The following MBNL3 variants were observed in gnomAD, a reference collection of about 807,000 sequenced individuals.
MBNL3 encodes the protein muscleblind like splicing regulator 3, also known as muscleblind-like protein 3.
Under a neutral mutation model 24.5 loss-of-function variants are expected in MBNL3, and 6 were observed. The observed-to-expected ratio is 0.25, with a 90% confidence interval of 0.13 to 0.48. The LOEUF (loss-of-function observed/expected upper bound fraction) is 0.48. MBNL3 is among the 20% of genes least tolerant of loss of function. MBNL3 has a pLI of 0.99. For missense variants in MBNL3, 230 were observed against 293.5 expected (o/e 0.78, Z 1.58); for synonymous variants, 100 against 101.7 (o/e 0.98, Z 0.10).
At chrX:132,410,849 T>G (rs1343455771) in intron 2 of MBNL3, among the ~76,000 whole-genome samples, 2 of 112,094 alleles carry the variant, frequency 1.8e-5, no homozygotes, top group African/African-American at 3.2e-5. Flanking sequence ...AAGATCAACA[T>G]ACAACGAGTT....
At chrX:132,396,543 T>G in intron 3 of MBNL3, among the ~76,000 whole-genome samples, 1 of 56,683 alleles carries the variant, frequency 1.8e-5, no homozygotes, top group Non-Finnish European at 2.9e-5. Flanking sequence ...CATATATATA[T>G]TCCTATATAT....
chrX:132,415,284 T>G (rs1943193751), intron 2 of MBNL3, among the ~76,000 whole-genome samples: 1 of 112,177 alleles, frequency 8.9e-6, no homozygotes, highest in Non-Finnish European at 1.9e-5. Context: ...GGGTTTCCAC[T>G]TGGTAAAATT....
At chrX:132,412,315 G>A (rs983780896) in intron 2 of MBNL3, among the ~76,000 whole-genome samples, 7 of 111,334 alleles carry the variant, frequency 6.3e-5, no homozygotes, top group African/African-American at 2.0e-4. Context: ...CAGCACCTGG[G>A]CCTGCCCAGG....
chrX:132,410,745 G>A (rs1942605138), intron 2 of MBNL3, among the ~76,000 whole-genome samples: 1 of 112,372 alleles, frequency 8.9e-6, no homozygotes, highest in African/African-American at 3.2e-5. Context: ...CTCAGAGGAA[G>A]TAACAGTGAT....
At chrX:132,420,292 G>A (rs1004748880) in intron 2 of MBNL3, among the ~76,000 whole-genome samples, 6 of 112,161 alleles carry the variant, frequency 5.3e-5, no homozygotes, top group African/African-American at 1.6e-4. Flanking sequence ...GATCAGGAGC[G>A]CAGCAGACAC....
intron 2 of MBNL3, among the ~76,000 whole-genome samples, chrX:132,433,568 A>G (rs1184587511): frequency 8.9e-6 from 1 of 112,516 alleles, no homozygotes; most frequent in African/African-American, 3.2e-5. Flanking sequence ...TACTTCACCT[A>G]TAAACAGGAG....
rs1569424082 is a variant in MBNL3, at chrX:132,396,521, CATA to C, written c.343-4190_343-4188del. 2.9e-3 allele frequency among the ~76,000 whole-genome samples: 139 copies of C among 48,090 alleles called. 9 individuals carry two copies. The highest frequency in any genetic ancestry group is 0.028 in the Middle Eastern group (2 of 71). 41.8% of individuals were successfully genotyped at this position (48,090 alleles called of 115,157 possible). On this transcript the variant is annotated intron_variant, in intron 3 of 8. Transcript: ENST00000370853. ...ATTCCTATATATATTCATATATATT[CATA>C]TATATATTCATATATATATTCCTAT...
intron 1 of MBNL3, among the ~76,000 whole-genome samples, chrX:132,476,859 T>C (rs1412401772): frequency 3.6e-5 from 4 of 111,540 alleles, no homozygotes. Flanking sequence ...ACTAATTTTG[T>C]TTGCCTAGAA....
chrX:132,483,086 A>G (rs1364119412), intron 1 of MBNL3, among the ~76,000 whole-genome samples: 2 of 112,754 alleles, frequency 1.8e-5, no homozygotes, highest in Middle Eastern at 4.6e-3. Context: ...GACATAAAGG[A>G]GTTGGGAGTT....
At chrX:132,392,449 A>G (rs1187728149) in intron 3 of MBNL3, 115 bp from the exon 4 acceptor site, 5 of 603,313 alleles carry the variant, frequency 8.3e-6, no homozygotes, top group Non-Finnish European at 1.2e-5. Context: ...AAAATTTACT[A>G]TTGTTTTCTT....
intron 8 of MBNL3, chrX:132,381,398 C>G: frequency 8.5e-7 from 1 of 1,178,555 alleles, no homozygotes; most frequent in Non-Finnish European, 1.1e-6. Flanking sequence ...AACAAACATG[C>G]TGCTATTCAG....
intron 1 of MBNL3, among the ~76,000 whole-genome samples, chrX:132,456,711 G>C (rs1452123854): frequency 9.0e-6 from 1 of 111,278 alleles, no homozygotes. Flanking sequence ...AATCATAAGA[G>C]TCATAAACAC....
intron 1 of MBNL3, among the ~76,000 whole-genome samples, chrX:132,472,127 G>A (rs1052644822): frequency 9.9e-5 from 11 of 110,893 alleles, no homozygotes; most frequent in African/African-American, 3.0e-4. Context: ...ATAAATTAGC[G>A]CCCTTCCCCT....
At chrX:132,469,826 T>A (rs1334341413) in intron 1 of MBNL3, among the ~76,000 whole-genome samples, 1 of 111,466 alleles carries the variant, frequency 9.0e-6, no homozygotes, top group African/African-American at 3.3e-5. Context: ...ATAACACTTT[T>A]ACTCCCCCAC....
chrX:132,449,134 T>C (rs1945903045), intron 1 of MBNL3, among the ~76,000 whole-genome samples: 1 of 111,956 alleles, frequency 8.9e-6, no homozygotes, highest in African/African-American at 3.2e-5. Flanking sequence ...CGGAGAGTTC[T>C]GTAGATGTTT....
intron 2 of MBNL3, chrX:132,432,674 G>A (rs2148418712): frequency 9.0e-6 from 1 of 111,463 alleles, no homozygotes; most frequent in East Asian, 2.8e-4. Context: ...TCAGTACTTT[G>A]TTCCTTTTTG....
chrX:132,466,762 A>C (rs1051905511), intron 1 of MBNL3, among the ~76,000 whole-genome samples: 1 of 111,694 alleles, frequency 9.0e-6, no homozygotes, highest in Non-Finnish European at 1.9e-5. Flanking sequence ...GTTCAGCAAA[A>C]GGCTGTGAAT....
rs1943383429 is a variant in MBNL3 at position 132,417,243 on chromosome X, CTG to C, written c.178-10853_178-10852del. ...CAGTTAATATTTAATGATGATGAAA[CTG>C]TTCCCAATATTTAAAGAACTAAACA... On this transcript the variant is annotated intron_variant, in intron 2 of 8. Transcript: ENST00000370853. 1.8e-5 allele frequency among the ~76,000 whole-genome samples: 2 copies of C among 111,399 alleles called. 1 individual carries two copies. Among genetic ancestry groups the C allele is most frequent in the Admixed American group, 1.9e-4 (2 of 10,437 alleles).
At chrX:132,445,903 A>G (rs7881753) in intron 1 of MBNL3, among the ~76,000 whole-genome samples, 2,526 of 111,036 alleles carry the variant, frequency 0.023, 60 homozygotes, top group African/African-American at 0.078. Flanking sequence ...CCATCAACCC[A>G]TCATCTACAT....
Sources: gnomAD v4.1 joint callset for allele counts (sites outside exome capture counted in the v4.1 genomes callset) on GRCh38, gnomAD v4.1.1 for gene constraint, MANE v1.5 for transcripts, NCBI Gene and HGNC (gene_info 2026-07-23, HGNC 2026-07-21) for gene names.